CFAP20: variants seen among roughly 807,000 people sequenced by gnomAD.
CFAP20 encodes the protein cilia- and flagella-associated protein 20.
Under a neutral mutation model 25.5 loss-of-function variants are expected in CFAP20, and 14 were observed. That is an observed-to-expected ratio of 0.55 (90% CI 0.36 to 0.86). CFAP20 has a LOEUF of 0.86. Ranked by LOEUF, CFAP20 falls within the 40% of genes least tolerant of loss-of-function variation. The probability of loss-of-function intolerance (pLI) is 0.01; values close to 1 mark genes in which losing one functional copy is unlikely to be tolerated. For missense variants in CFAP20, 181 were observed against 248.0 expected (o/e 0.73, Z 1.81); for synonymous variants, 75 against 91.1 (o/e 0.82, Z 1.01).
At chr16:58,119,096 T>G (rs142185490) in intron 1 of CFAP20, 25 of 152,318 alleles carry the variant, frequency 1.6e-4, no homozygotes, top group African/African-American at 6.0e-4. Context: ...GTTTTATTTT[T>G]CAACATAAAT....
chr16:58,128,978 A>T, intron 1 of CFAP20, 54 bp downstream of exon 1: 3 of 1,491,898 alleles, frequency 2.0e-6, no homozygotes, highest in Non-Finnish European at 2.8e-6. Flanking sequence ...CAGCCCCCGG[A>T]CGAGGAGGGG....
At chr16:58,127,633 G>A (rs1272474483) in intron 1 of CFAP20, among the ~76,000 whole-genome samples, 1 of 152,196 alleles carries the variant, frequency 6.6e-6, no homozygotes, top group East Asian at 1.9e-4. Flanking sequence ...CCTCAGTAAC[G>A]CAGCAACGTT....
intron 1 of CFAP20, among the ~76,000 whole-genome samples, chr16:58,124,018 G>A (rs1422586072): frequency 6.6e-6 from 1 of 152,152 alleles, no homozygotes; most frequent in African/African-American, 2.4e-5. Context: ...GAGGGGCAGC[G>A]CCCAGCAGAA....
chr16:58,122,950 C>T (rs1277805755), intron 1 of CFAP20, among the ~76,000 whole-genome samples: 3 of 152,078 alleles, frequency 2.0e-5, no homozygotes, highest in Non-Finnish European at 2.9e-5. Flanking sequence ...CAGACAAAGG[C>T]GTTTTCATGA....
chr16:58,114,763 C>T (rs1372130915), intron 5 of CFAP20, 47 bp downstream of exon 5: 5 of 1,466,370 alleles, frequency 3.4e-6, no homozygotes, highest in Non-Finnish European at 4.8e-6. Context: ...AGGAACACAG[C>T]TCCCCCCACT....
intron 1 of CFAP20, among the ~76,000 whole-genome samples, chr16:58,126,375 C>A (rs1397384557): frequency 6.6e-6 from 1 of 152,184 alleles, no homozygotes; most frequent in Admixed American, 6.5e-5. Context: ...CACTAACGAA[C>A]AAGCCATCTT....
intron 1 of CFAP20, among the ~76,000 whole-genome samples, chr16:58,122,721 CT>C (rs1306092107): frequency 6.6e-6 from 1 of 152,240 alleles, no homozygotes; most frequent in African/African-American, 2.4e-5. Context: ...AATTCTACTA[CT>C]GAAAACAGCA....
chr16:58,129,248 C>G lies in CFAP20; in HGVS notation c.-133G>C. 1.1e-6 allele frequency: 1 copy of G among 907,038 alleles called. No homozygotes were observed. The allele number at this position is 907,038 out of a possible 1,614,324, so 56.2% of individuals were successfully genotyped here. A position where few individuals can be genotyped will look rare whatever the true frequency, so the allele number is the denominator to read the frequency against. ...GAAGGGTGGTTGAGCTCCTGGCCTCCGGATCTGCAGCCACTGATGGCCGGA... is the reference window on the plus strand; with the variant it reads ...GAAGGGTGGTTGAGCTCCTGGCCTCGGGATCTGCAGCCACTGATGGCCGGA... On this transcript the variant is annotated 5_prime_UTR_variant, in exon 1 of 6. Coordinates refer to ENST00000262498, the MANE Select transcript of CFAP20 (RefSeq NM_013242.3).
At chr16:58,116,734 C>G in intron 2 of CFAP20, 138 bp downstream of exon 2, 1 of 693,698 alleles carries the variant, frequency 1.4e-6, no homozygotes. Context: ...GATTCAGTAA[C>G]TTGCCCATGG....
At chr16:58,114,948 G>A in intron 4 of CFAP20, 28 bp from the exon 5 acceptor site, 1 of 1,563,852 alleles carries the variant, frequency 6.4e-7, no homozygotes, top group Non-Finnish European at 8.8e-7. Flanking sequence ...CTTTTGAGAG[G>A]CGAAATGTGA....
chr16:58,129,173 T>TA lies in CFAP20; in HGVS notation c.-59dup. Reference sequence around the variant, plus strand: ...GAGCCGACCTAGGCCCCGGAGTAGATACAGGCACCGAGCGTCGAGGGCACA... The same window carrying TA: ...GAGCCGACCTAGGCCCCGGAGTAGATAACAGGCACCGAGCGTCGAGGGCACA... On this transcript the variant is annotated 5_prime_UTR_variant, in exon 1 of 6. Transcript: ENST00000262498. The TA allele has an allele frequency of 1.3e-6, 2 of 1,580,396 alleles. No individual in the cohort carries two copies. The highest frequency in any genetic ancestry group is 1.7e-6 in the Non-Finnish European group (2 of 1,156,670).
intron 1 of CFAP20, among the ~76,000 whole-genome samples, chr16:58,125,841 A>G (rs541394333): frequency 1.3e-5 from 2 of 152,370 alleles, no homozygotes; most frequent in East Asian, 3.8e-4. Context: ...CCTACTCACA[A>G]ACACGAGTAA....
At chr16:58,118,297 T>TA (rs944721690) in intron 1 of CFAP20, among the ~76,000 whole-genome samples, 29 of 151,246 alleles carry the variant, frequency 1.9e-4, no homozygotes, top group African/African-American at 6.8e-4. Flanking sequence ...TTGGGCAACA[T>TA]AGTAAGACAT....
At position 58,114,813 on chromosome 16, in the gene CFAP20, T is replaced by C. The variant is rs772132370; in HGVS notation, c.573A>G (p.Ala191=). ...FKLYLPVQNK[A]KQ ...CCTCTGGGGAAGACTGGCTTACCTT[T>C]GCCTTGTTCTGAACTGGGAGATACA... The change falls in exon 5 of 6, where the codon GCA becomes GCG. Residue 191 remains alanine, a synonymous_variant. Transcript: ENST00000262498. 14 of 1,611,360 alleles carry C rather than the reference T, an allele frequency of 8.7e-6. No homozygotes were observed. The highest frequency in any genetic ancestry group is 1.2e-5 in the Non-Finnish European group (14 of 1,177,470).
chr16:58,117,083 G>A (rs1312436972), intron 1 of CFAP20, 132 bp from the exon 2 acceptor site: 2 of 721,418 alleles, frequency 2.8e-6, no homozygotes, highest in Non-Finnish European at 4.6e-6. Context: ...TTATATGTAA[G>A]TAAGCCAAGC....
In CFAP20 at chr16:58,116,113, C is replaced by A. The variant is rs765237816; in HGVS notation, c.204G>T (p.Thr68=). ...CAAGGAAAGGAAGTTTAATTCCCAG[C>A]GTCTTCTTGGGGTCTGCAGGGCATG... is the stretch of plus-strand genomic sequence containing the variant. ...YITCPADPKK[T]LGIKLPFLVM... is the part of the protein sequence containing the mutation. Residue 68 remains threonine (T), a synonymous_variant, in exon 3 of 6, where the codon ACG becomes ACT. Coordinates refer to ENST00000262498, the MANE Select transcript of CFAP20 (RefSeq NM_013242.3). The A allele has an allele frequency of 1.5e-5, 24 of 1,613,628 alleles. No individual in the cohort carries two copies. Among genetic ancestry groups the A allele is most frequent in the South Asian group, 2.2e-5 (2 of 91,078 alleles).
rs766367910 is a variant in CFAP20 at position 58,114,907 on chromosome 16, C to A, written c.479G>T (p.Cys160Phe). Residue 160 changes from cysteine to phenylalanine, a missense_variant, in exon 5 of 6, where the codon TGT becomes TTT. By Grantham distance (205) the Cys-to-Phe change is radical. Coordinates refer to ENST00000262498, the MANE Select transcript of CFAP20 (RefSeq NM_013242.3). ...ETLRVQIHAN[C>F]RIRRVYFSDR... ...TGAGAAGTAAACCCGTCGGATGCGA[C>A]AATTTGCATGGATCTGTCAAGGCAA... 2 of 1,613,438 alleles carry A rather than the reference C, an allele frequency of 1.2e-6. No individual in the cohort carries two copies. The highest frequency in any genetic ancestry group is 1.7e-6 in the Non-Finnish European group (2 of 1,179,386).
chr16:58,115,607 G>T, intron 3 of CFAP20, 150 bp from the exon 4 acceptor site: 1 of 856,710 alleles, frequency 1.2e-6, no homozygotes, highest in Non-Finnish European at 1.8e-6. Flanking sequence ...GTCATACACT[G>T]CATGCAGATG....
intron 1 of CFAP20, 88 bp from the exon 2 acceptor site, chr16:58,117,039 G>A (rs2270919): frequency 0.035 from 42,610 of 1,208,552 alleles, 998 homozygotes; most frequent in East Asian, 0.1. Flanking sequence ...CCCAAGAGGC[G>A]TACAAAGAAA....
Sources: gnomAD v4.1 joint callset for allele counts (sites outside exome capture counted in the v4.1 genomes callset) on GRCh38, gnomAD v4.1.1 for gene constraint, MANE v1.5 for transcripts, NCBI Gene and HGNC (gene_info 2026-07-23, HGNC 2026-07-21) for gene names.